The following PUM1 variants were observed in gnomAD, a reference collection of about 807,000 sequenced individuals.
The protein encoded by PUM1 is pumilio homolog 1.
PUM1 carries 13 observed loss-of-function variants against 131.8 expected under a neutral mutation model. The ratio of observed to expected loss-of-function variants is 0.10; its 90% CI spans 0.06 to 0.16. The LOEUF (loss-of-function observed/expected upper bound fraction) is 0.16. Ranked by LOEUF, PUM1 falls within the 10% of genes least tolerant of loss-of-function variation. The pLI is 1.00. For synonymous variants in PUM1, 509 were observed against 556.5 expected (o/e 0.91, Z 1.20); for missense variants, 961 against 1,512.4 (o/e 0.64, Z 6.05).
At chr1:30,975,376 A>AG (rs2124459945) in intron 9 of PUM1, among the ~76,000 whole-genome samples, 1 of 151,834 alleles carries the variant, frequency 6.6e-6, no homozygotes, top group East Asian at 1.9e-4. Context: ...TTTTTGAGAC[A>AG]GGGTCTCTCT....
intron 1 of PUM1, among the ~76,000 whole-genome samples, chr1:31,060,754 T>G (rs571306146): frequency 1.3e-5 from 2 of 151,908 alleles, no homozygotes; most frequent in African/African-American, 4.8e-5. Context: ...GGTGTGGTGG[T>G]ACACACTTTT....
At chr1:31,010,615 T>C (rs138615087) in intron 3 of PUM1, among the ~76,000 whole-genome samples, 126 of 152,280 alleles carry the variant, frequency 8.3e-4, no homozygotes, top group African/African-American at 2.9e-3. Flanking sequence ...CCCTGGGTCA[T>C]TTACACACAA....
At chr1:30,942,526 T>G (rs1639497356) in intron 18 of PUM1, among the ~76,000 whole-genome samples, 1 of 151,962 alleles carries the variant, frequency 6.6e-6, no homozygotes, top group Admixed American at 6.6e-5. Context: ...CTGAATGCTT[T>G]CACACCGCCA....
intron 20 of PUM1, 137 bp downstream of exon 20, chr1:30,941,014 A>G: frequency 9.6e-7 from 1 of 1,044,142 alleles, no homozygotes; most frequent in South Asian, 2.2e-5. Context: ...ACTTTGTAAT[A>G]AAACTATTTG....
chr1:30,946,442 G>A (rs1008907319), intron 17 of PUM1, among the ~76,000 whole-genome samples: 3 of 151,354 alleles, frequency 2.0e-5, no homozygotes, highest in Non-Finnish European at 4.4e-5. Context: ...TTCGAGACCA[G>A]CCTAGCCAAG....
Position 31,029,111 on chromosome 1 carries a change from G to A in PUM1, c.364-247C>T, listed in dbSNP as rs573552123. Among the ~76,000 whole-genome samples the A allele has an allele frequency of 3.9e-5, 6 of 152,118 alleles. No individual in the cohort carries two copies. The East Asian group carries it at 9.7e-4, about 25-fold the overall frequency. ...AACATGAAAAACACAAAATCCAAAT[G>A]AATGAAAAAGCAAATTCCATCATGA... On this transcript the variant is annotated intron_variant, in intron 2 of 21. Coordinates refer to ENST00000426105, the MANE Select transcript of PUM1 (RefSeq NM_001020658.2).
intron 14 of PUM1, among the ~76,000 whole-genome samples, chr1:30,955,006 C>T (rs1026070435): frequency 4.0e-5 from 6 of 151,698 alleles, no homozygotes; most frequent in African/African-American, 1.2e-4. Flanking sequence ...TAGGTCGAGG[C>T]TGCAGTAAGC....
intron 7 of PUM1, chr1:30,982,189 T>G (rs1001396190): frequency 6.6e-6 from 1 of 152,140 alleles, no homozygotes; most frequent in East Asian, 1.9e-4. Flanking sequence ...GAAAAGAAAG[T>G]TCAAAGGCCT....
At chr1:31,040,802 A>G (rs1643790433) in intron 2 of PUM1, among the ~76,000 whole-genome samples, 2 of 152,160 alleles carry the variant, frequency 1.3e-5, no homozygotes, top group Non-Finnish European at 2.9e-5. Context: ...AAATAACATG[A>G]AAGGTCTCCT....
At chr1:31,064,433 C>G (rs1165504576) in intron 1 of PUM1, among the ~76,000 whole-genome samples, 1 of 152,016 alleles carries the variant, frequency 6.6e-6, no homozygotes, top group East Asian at 1.9e-4. Flanking sequence ...AGCAAAGGGT[C>G]AAAATGTTTA....
At chr1:31,005,259 A>C (rs1427657982) in intron 5 of PUM1, among the ~76,000 whole-genome samples, 2 of 152,370 alleles carry the variant, frequency 1.3e-5, no homozygotes, top group East Asian at 3.9e-4. Flanking sequence ...TTAGCATCAG[A>C]GAGGTCAGTG....
At chr1:30,955,781 G>A (rs1381955479) in intron 14 of PUM1, among the ~76,000 whole-genome samples, 1 of 152,178 alleles carries the variant, frequency 6.6e-6, no homozygotes, top group Non-Finnish European at 1.5e-5. Context: ...GGACTTCACA[G>A]AATTCCAGGG....
intron 16 of PUM1, 99 bp downstream of exon 16, chr1:30,952,135 G>T: frequency 8.4e-7 from 1 of 1,184,092 alleles, no homozygotes; most frequent in Non-Finnish European, 1.3e-6. Flanking sequence ...CCTTCATTCT[G>T]AGGACTGGAA....
At chr1:31,063,468 T>C (rs568871550) in intron 1 of PUM1, among the ~76,000 whole-genome samples, 1 of 152,226 alleles carries the variant, frequency 6.6e-6, no homozygotes, top group East Asian at 1.9e-4. Flanking sequence ...AAAATAGTTA[T>C]CTAGGAGGCT....
intron 14 of PUM1, among the ~76,000 whole-genome samples, chr1:30,962,172 G>T (rs1025437268): frequency 6.6e-6 from 1 of 152,178 alleles, no homozygotes; most frequent in African/African-American, 2.4e-5. Context: ...AAAACTGCTT[G>T]AACAAGGTGA....
Position 30,992,630 on chromosome 1 carries a change from A to G in PUM1, c.918T>C (p.Ala306=), listed in dbSNP as rs747598411. The change falls in exon 7 of 22, where the codon GCT becomes GCC. Residue 306 remains alanine, a synonymous_variant. Coordinates refer to ENST00000426105, the MANE Select transcript of PUM1 (RefSeq NM_001020658.2). ...TTGGACCCAGAAGATCCACTTCATT[A>G]GCAGAGTTCTGGCAATTACCAGGGG... ...SRTPGNCQNS[A]NEVDLLGPNQ... is the part of the protein sequence containing the mutation. 3.1e-6 allele frequency: 5 copies of G among 1,613,944 alleles called. No individual in the cohort carries two copies. The South Asian group carries it at 5.5e-5, about 18-fold the overall frequency.
chr1:30,979,966 G>T, intron 9 of PUM1, 96 bp downstream of exon 9: 2 of 813,992 alleles, frequency 2.5e-6, no homozygotes, highest in Non-Finnish European at 3.8e-6. Context: ...ATCTCCACTG[G>T]AGACATGGAT....
chr1:31,025,592 G>C (rs1358266965), intron 3 of PUM1, among the ~76,000 whole-genome samples: 3 of 110,828 alleles, frequency 2.7e-5, no homozygotes, highest in Non-Finnish European at 4.9e-5. Context: ...CACTCACTCT[G>C]TTGCCCAGGC....
intron 2 of PUM1, among the ~76,000 whole-genome samples, chr1:31,034,345 A>T (rs959291443): frequency 2.6e-5 from 4 of 152,140 alleles, no homozygotes; most frequent in African/African-American, 7.2e-5. Flanking sequence ...CACACTGAAA[A>T]TTTCCATATT....
Sources: allele counts gnomAD v4.1 joint callset (sites outside exome capture counted in the v4.1 genomes callset), GRCh38; gene constraint gnomAD v4.1.1; transcripts MANE v1.5; gene names NCBI Gene and HGNC (gene_info 2026-07-23, HGNC 2026-07-21).